The following COL22A1 variants were observed in gnomAD, a reference collection of about 807,000 sequenced individuals.
COL22A1 encodes collagen type XXII alpha 1 chain, also known as collagen alpha-1(XXII) chain.
In COL22A1, 221 loss-of-function variants were observed where a neutral mutation model predicts 248.9. The ratio of observed to expected loss-of-function variants is 0.89; its 90% CI spans 0.80 to 0.99. The LOEUF is 0.99. COL22A1 is among the 50% of genes least tolerant of loss of function. The pLI, the probability that COL22A1 is intolerant of heterozygous loss-of-function variation, is 0.00. For missense variants in COL22A1, 2,240 were observed against 2,179.0 expected (o/e 1.03, Z -0.56); for synonymous variants, 891 against 793.4 (o/e 1.12, Z -2.07).
chr8:138,734,283 C>A (rs1830938423), intron 23 of COL22A1, among the ~76,000 whole-genome samples: 1 of 152,234 alleles, frequency 6.6e-6, no homozygotes, highest in African/African-American at 2.4e-5. Context: ...ATCTGTGTCT[C>A]TTTCTGGCCC....
chr8:138,833,136 C>A lies in COL22A1; in HGVS notation c.748G>T (p.Asp250Tyr), dbSNP rs907972324. 1.2e-6 allele frequency: 2 copies of A among 1,612,156 alleles called. No homozygotes were observed. The highest frequency in any genetic ancestry group is 1.7e-6 in the Non-Finnish European group (2 of 1,178,264). Reference sequence around the variant, plus strand: ...AAGATTTCCTTCACACTGAACAAATCCATCAGGTCAAAACCTGTACAAAGA... The same window carrying A: ...AAGATTTCCTTCACACTGAACAAATACATCAGGTCAAAACCTGTACAAAGA... Reference protein sequence around the residue: ...TKEITGFDLMDLFSVKEILGK... With the variant: ...TKEITGFDLMYLFSVKEILGK... Residue 250 changes from aspartate to tyrosine, a missense_variant, in exon 5 of 65, where the codon GAT becomes TAT. Coordinates refer to ENST00000303045, the MANE Select transcript of COL22A1 (RefSeq NM_152888.3).
At position 138,780,961 on chromosome 8, in the gene COL22A1, C is replaced by G; in HGVS notation, c.1616G>C (p.Gly539Ala). The G allele has an allele frequency of 1.2e-6, 2 of 1,607,366 alleles. No individual in the cohort carries two copies. The highest frequency in any genetic ancestry group is 1.7e-6 in the Non-Finnish European group (2 of 1,177,956). ...KGEKGSLGLP[G>A]PPGRDGSKGM... ...TTTGCTGCCGTCTCTCCCAGGGGGG[C>G]CGGGCAGGCCCAGGGAACCCTAAAG... Residue 539 changes from glycine to alanine, a missense_variant, in exon 13 of 65, where the codon GGC becomes GCC. Gly to Ala is a moderately conservative substitution (Grantham distance 60). Transcript: ENST00000303045.
At chr8:138,619,166 T>C (rs1653759440) in intron 53 of COL22A1, among the ~76,000 whole-genome samples, 7 of 152,238 alleles carry the variant, frequency 4.6e-5, no homozygotes, top group Admixed American at 4.6e-4. Flanking sequence ...TTAAGATTCA[T>C]TTTTACGTTC....
At chr8:138,633,690 G>C (rs527299289) in intron 49 of COL22A1, among the ~76,000 whole-genome samples, 1 of 152,232 alleles carries the variant, frequency 6.6e-6, no homozygotes, top group African/African-American at 2.4e-5. Context: ...CCCTACTACT[G>C]ATCGTATCAG....
At chr8:138,812,129 G>A (rs1045337251) in intron 8 of COL22A1, among the ~76,000 whole-genome samples, 5 of 152,266 alleles carry the variant, frequency 3.3e-5, no homozygotes, top group South Asian at 4.1e-4. Context: ...TGGGTGAACC[G>A]CCCACAGTCT....
intron 1 of COL22A1, among the ~76,000 whole-genome samples, chr8:138,906,587 T>TC (rs1446009935): frequency 6.6e-6 from 1 of 151,180 alleles, no homozygotes; most frequent in African/African-American, 2.4e-5. Context: ...TTTCTTGTAT[T>TC]TTTAATTGAA....
intron 56 of COL22A1, among the ~76,000 whole-genome samples, chr8:138,611,550 T>A (rs1425645605): frequency 2.0e-5 from 3 of 152,214 alleles, no homozygotes; most frequent in African/African-American, 4.8e-5. Flanking sequence ...TTTTACACAT[T>A]TTTTCCTAAT....
chr8:138,772,836 T>G (rs911458156), intron 16 of COL22A1, among the ~76,000 whole-genome samples: 3 of 152,140 alleles, frequency 2.0e-5, no homozygotes, highest in Admixed American at 6.5e-5. Context: ...GACTCCAGCC[T>G]GGGCAACAGA....
intron 41 of COL22A1, among the ~76,000 whole-genome samples, chr8:138,672,278 C>G (rs997147136): frequency 6.6e-6 from 1 of 152,202 alleles, no homozygotes; most frequent in East Asian, 1.9e-4. Flanking sequence ...GAGAGACTAT[C>G]TGTGAGATAA....
chr8:138,741,700 T>C (rs1292877544), intron 22 of COL22A1, among the ~76,000 whole-genome samples: 2 of 152,220 alleles, frequency 1.3e-5, no homozygotes, highest in Non-Finnish European at 2.9e-5. Flanking sequence ...TGATAGACTG[T>C]GTGTCAAACA....
At position 138,778,361 on chromosome 8, in the gene COL22A1, C is replaced by T. The variant is rs574216888; in HGVS notation, c.1750G>A (p.Gly584Arg). ...CAAGTGCCTTCACTTACAGGAGCTC[C>T]GACACGTCCAGGAGGTCCGGGGAGT... ...PGLPGPPGRV[G>R]APGLQGERGE... is the part of the protein sequence containing the mutation. The change falls in exon 15 of 65, where the codon GGA becomes AGA. Residue 584 changes from glycine (G) to arginine (R), a missense_variant. Coordinates refer to ENST00000303045, the MANE Select transcript of COL22A1 (RefSeq NM_152888.3). 20 of 1,613,802 alleles carry T rather than the reference C, an allele frequency of 1.2e-5. No individual in the cohort carries two copies. Among genetic ancestry groups the T allele is most frequent in the Middle Eastern group, 3.3e-4 (2 of 6,056 alleles).
At position 138,780,917 on chromosome 8, in the gene COL22A1, C is replaced by A. The variant is rs541734286; in HGVS notation, c.1650+10G>T. ...GCCTTGTGAGCCAGGGCAGACGGAA[C>A]AGAACTTACTCTCATGCCTTTGCTG... On this transcript the variant is annotated intron_variant, in intron 13 of 64. Coordinates refer to ENST00000303045, the MANE Select transcript of COL22A1 (RefSeq NM_152888.3). 13 of 1,612,526 alleles carry A rather than the reference C, an allele frequency of 8.1e-6. No homozygotes were observed. Among genetic ancestry groups the A allele is most frequent in the African/African-American group, 6.7e-5 (5 of 75,026 alleles).
chr8:138,803,698 T>C (rs1189119129), intron 10 of COL22A1, among the ~76,000 whole-genome samples: 1 of 152,096 alleles, frequency 6.6e-6, no homozygotes, highest in African/African-American at 2.4e-5. Context: ...GAAAAACTCA[T>C]CACAAGCCAA....
chr8:138,638,270 T>G (rs989264425), intron 47 of COL22A1, among the ~76,000 whole-genome samples: 1 of 152,222 alleles, frequency 6.6e-6, no homozygotes, highest in Non-Finnish European at 1.5e-5. Flanking sequence ...TTTAAAAGAA[T>G]GCATTATGCA....
At chr8:138,602,426 T>A (rs1818099806) in intron 59 of COL22A1, among the ~76,000 whole-genome samples, 1 of 152,190 alleles carries the variant, frequency 6.6e-6, no homozygotes, top group Non-Finnish European at 1.5e-5. Context: ...CCCTACCTCT[T>A]GTGGGATAAA....
At chr8:138,673,593 G>A (rs916903571) in intron 41 of COL22A1, among the ~76,000 whole-genome samples, 17 of 152,176 alleles carry the variant, frequency 1.1e-4, no homozygotes, top group Admixed American at 2.6e-4. Context: ...CCATCCTGCC[G>A]AAGCCACAAA....
chr8:138,706,884 C>CCGT (rs1184127130), intron 30 of COL22A1, among the ~76,000 whole-genome samples: 2 of 152,060 alleles, frequency 1.3e-5, no homozygotes, highest in African/African-American at 2.4e-5. Flanking sequence ...AATTGATAGA[C>CCGT]CACTAGCAAG....
At chr8:138,761,025 C>T (rs1833442422) in intron 17 of COL22A1, among the ~76,000 whole-genome samples, 1 of 152,144 alleles carries the variant, frequency 6.6e-6, no homozygotes, top group Admixed American at 6.5e-5. Context: ...GGAAAAGATC[C>T]TAAGGACATA....
At chr8:138,714,726 A>G (rs1043885066) in intron 30 of COL22A1, among the ~76,000 whole-genome samples, 1 of 152,192 alleles carries the variant, frequency 6.6e-6, no homozygotes, top group African/African-American at 2.4e-5. Flanking sequence ...GACAATGCCA[A>G]CGAAGCCTCT....
Sources: gnomAD v4.1 joint callset for allele counts (sites outside exome capture counted in the v4.1 genomes callset) on GRCh38, gnomAD v4.1.1 for gene constraint, MANE v1.5 for transcripts, NCBI Gene and HGNC (gene_info 2026-07-23, HGNC 2026-07-21) for gene names.